PRKG1: variants seen among roughly 807,000 people sequenced by gnomAD.
The protein encoded by PRKG1 is cGMP-dependent protein kinase 1.
Under a neutral mutation model 88.1 loss-of-function variants are expected in PRKG1, and 35 were observed. That is an observed-to-expected ratio of 0.40 (90% CI 0.30 to 0.53). The LOEUF (loss-of-function observed/expected upper bound fraction) is 0.53, where lower values mean the gene tolerates loss of function less well. Ranked by LOEUF, PRKG1 falls within the 20% of genes least tolerant of loss-of-function variation. The pLI is 0.59. For missense variants in PRKG1, 540 were observed against 839.8 expected (o/e 0.64, Z 4.41); for synonymous variants, 303 against 292.5 (o/e 1.04, Z -0.37).
In PRKG1 at chr10:52,296,188, C is replaced by T. The variant is rs141212596; in HGVS notation, c.*2288C>T. On this transcript the variant is annotated 3_prime_UTR_variant, in exon 18 of 18. Transcript: ENST00000373980. ...TTGGAAAGAGAATCTGCTCCTATAA[C>T]GTTTTAAAAATCCCCAAAGTCCCAG... is the stretch of plus-strand genomic sequence containing the variant. 1.0e-3 allele frequency: 157 copies of T among 152,120 alleles called. No individual in the cohort carries two copies. Among genetic ancestry groups the T allele is most frequent in the African/African-American group, 3.6e-3 (150 of 41,556 alleles). The allele number at this position is 152,120 out of a possible 1,614,324, so 9.4% of individuals were successfully genotyped here.
intron 3 of PRKG1, 172 bp downstream of exon 3, chr10:51,468,008 A>G (rs1420225153): frequency 1.0e-5 from 6 of 588,740 alleles, no homozygotes; most frequent in Non-Finnish European, 1.8e-5. Context: ...GTGATTGTTA[A>G]CAATCAGTTT....
At chr10:51,543,384 T>C (rs1375050011) in intron 3 of PRKG1, among the ~76,000 whole-genome samples, 1 of 152,186 alleles carries the variant, frequency 6.6e-6, no homozygotes, top group African/African-American at 2.4e-5. Context: ...AGCATATTAA[T>C]TGACACAGGT....
chr10:51,584,522 C>T (rs185770675), intron 3 of PRKG1, among the ~76,000 whole-genome samples: 1 of 151,974 alleles, frequency 6.6e-6, no homozygotes, highest in African/African-American at 2.4e-5. Flanking sequence ...TCATAGTGCA[C>T]CCTACTAAGT....
At chr10:52,129,568 GA>G (rs1459578218) in intron 7 of PRKG1, among the ~76,000 whole-genome samples, 1 of 152,160 alleles carries the variant, frequency 6.6e-6, no homozygotes, top group Admixed American at 6.5e-5. Flanking sequence ...CACCCTCTTA[GA>G]GAGCTACAAG....
intron 3 of PRKG1, among the ~76,000 whole-genome samples, chr10:51,674,675 G>A (rs764491908): frequency 6.6e-6 from 1 of 152,158 alleles, no homozygotes; most frequent in South Asian, 2.1e-4. Context: ...GAGTTCGAAT[G>A]TAAGTTAGAT....
At chr10:52,292,731 C>T (rs995414809) in intron 17 of PRKG1, among the ~76,000 whole-genome samples, 2 of 152,010 alleles carry the variant, frequency 1.3e-5, no homozygotes, top group Non-Finnish European at 2.9e-5. Context: ...TAAAAACTCT[C>T]AATAAATTAG....
At chr10:52,268,387 T>C (rs1185299952) in intron 10 of PRKG1, among the ~76,000 whole-genome samples, 2 of 152,098 alleles carry the variant, frequency 1.3e-5, no homozygotes, top group Non-Finnish European at 2.9e-5. Flanking sequence ...CATTATCCTC[T>C]TTCTACCCCA....
intron 12 of PRKG1, 133 bp from the exon 13 acceptor site, chr10:52,280,656 C>T (rs1419385912): frequency 1.7e-5 from 16 of 928,864 alleles, no homozygotes; most frequent in Non-Finnish European, 2.6e-5. Flanking sequence ...AATCATGTAA[C>T]ATTTAGCTAG....
intron 3 of PRKG1, among the ~76,000 whole-genome samples, chr10:51,580,207 G>C (rs10998318): frequency 0.069 from 10,534 of 152,136 alleles, 1,200 homozygotes; most frequent in African/African-American, 0.24. Context: ...TATCCATGCT[G>C]TTATGTGTAT....
intron 5 of PRKG1, among the ~76,000 whole-genome samples, chr10:51,981,621 AAG>A (rs1554863729): frequency 3.3e-5 from 5 of 151,962 alleles, no homozygotes; most frequent in Non-Finnish European, 7.4e-5. Flanking sequence ...AAATAAAAAA[AAG>A]AATATTTAAT....
At chr10:52,157,765 T>C (rs113656771) in intron 8 of PRKG1, among the ~76,000 whole-genome samples, 5,055 of 151,398 alleles carry the variant, frequency 0.033, 265 homozygotes, top group African/African-American at 0.11. Context: ...CCATCCACCT[T>C]TCACTCTTTC....
intron 3 of PRKG1, among the ~76,000 whole-genome samples, chr10:51,478,287 A>G (rs959427613): frequency 2.0e-5 from 3 of 152,138 alleles, no homozygotes; most frequent in Non-Finnish European, 4.4e-5. Context: ...TTGTATCTTA[A>G]GATGCAGCCT....
chr10:51,422,124 T>A (rs1166354485), intron 2 of PRKG1, among the ~76,000 whole-genome samples: 1 of 152,208 alleles, frequency 6.6e-6, no homozygotes, highest in Non-Finnish European at 1.5e-5. Flanking sequence ...CTCTGAGAGC[T>A]TTAAAAGTTG....
chr10:51,254,007 A>T (rs1432808659), intron 2 of PRKG1, among the ~76,000 whole-genome samples: 1 of 152,022 alleles, frequency 6.6e-6, no homozygotes, highest in Non-Finnish European at 1.5e-5. Flanking sequence ...TAAATTTGAG[A>T]GTTCATCCTC....
At chr10:51,448,030 A>G (rs915218340) in intron 2 of PRKG1, among the ~76,000 whole-genome samples, 1 of 151,978 alleles carries the variant, frequency 6.6e-6, no homozygotes, top group African/African-American at 2.4e-5. Context: ...AAAAGCATAG[A>G]ATTAGCCTGG....
intron 1 of PRKG1, among the ~76,000 whole-genome samples, chr10:51,095,313 T>C (rs977004738): frequency 1.3e-5 from 2 of 152,136 alleles, no homozygotes; most frequent in African/African-American, 2.4e-5. Context: ...CTAGTTTTTC[T>C]CTTCTATATG....
intron 2 of PRKG1, among the ~76,000 whole-genome samples, chr10:51,271,150 T>A (rs1839968747): frequency 6.6e-6 from 1 of 152,206 alleles, no homozygotes; most frequent in Admixed American, 6.5e-5. Flanking sequence ...ATGTCTACAC[T>A]TGTAATAAAT....
chr10:51,096,335 A>G (rs1161063140), intron 1 of PRKG1, among the ~76,000 whole-genome samples: 2 of 152,168 alleles, frequency 1.3e-5, no homozygotes, highest in Non-Finnish European at 2.9e-5. Context: ...CTAAAGACTG[A>G]GCCTGTGTTT....
chr10:51,871,263 T>C (rs549417055), intron 4 of PRKG1, among the ~76,000 whole-genome samples: 3 of 152,330 alleles, frequency 2.0e-5, no homozygotes, highest in South Asian at 4.1e-4. Flanking sequence ...AGTTTAATGC[T>C]GTATGGTCAC....
Sources: allele counts gnomAD v4.1 joint callset (sites outside exome capture counted in the v4.1 genomes callset), GRCh38; gene constraint gnomAD v4.1.1; transcripts MANE v1.5; gene names NCBI Gene and HGNC (gene_info 2026-07-23, HGNC 2026-07-21).